USH2A: variants seen among roughly 807,000 people sequenced by gnomAD.
The protein encoded by USH2A is Usher syndrome 2A (autosomal recessive, mild).
In USH2A, 443 loss-of-function variants were observed where a neutral mutation model predicts 538.9. That is an observed-to-expected ratio of 0.82 (90% CI 0.76 to 0.89). USH2A has a LOEUF of 0.89. Among genes scored for constraint, USH2A ranks in the 40% least tolerant of loss-of-function variants. The pLI is 0.00. For synonymous variants in USH2A, 2,413 were observed against 2,273.5 expected, an observed-to-expected ratio of 1.06 and a Z score of -1.75; for missense variants, 6,633 against 6,324.8, an observed-to-expected ratio of 1.05 and a Z score of -1.65.
chr1:215,836,488 T>A (rs932153901), intron 47 of USH2A, among the ~76,000 whole-genome samples: 3 of 20,810 alleles, frequency 1.4e-4, no homozygotes, highest in African/African-American at 2.8e-4. Flanking sequence ...ATAATATATA[T>A]TATATATATA....
At chr1:216,072,297 T>C (rs772712063) in intron 29 of USH2A, among the ~76,000 whole-genome samples, 7 of 152,324 alleles carry the variant, frequency 4.6e-5, no homozygotes, top group Middle Eastern at 6.8e-3. Flanking sequence ...AAGTCAGTTG[T>C]CTGAGATTAG....
At chr1:216,321,560 C>T (rs1558036656) in intron 9 of USH2A, among the ~76,000 whole-genome samples, 6 of 151,798 alleles carry the variant, frequency 4.0e-5, no homozygotes, top group Admixed American at 3.3e-4. Flanking sequence ...TTGTTTAGTG[C>T]CATGCTATCC....
chr1:215,756,369 T>C (rs551295609), intron 58 of USH2A, among the ~76,000 whole-genome samples: 2 of 152,192 alleles, frequency 1.3e-5, no homozygotes, highest in Non-Finnish European at 2.9e-5. Flanking sequence ...GCAACTGATA[T>C]GTTAAATAAT....
intron 38 of USH2A, among the ~76,000 whole-genome samples, chr1:215,920,863 T>C (rs1039918303): frequency 1.3e-5 from 2 of 152,080 alleles, no homozygotes; most frequent in African/African-American, 4.8e-5. Flanking sequence ...TGCTTTCTTA[T>C]GGCCCAGAGG....
intron 13 of USH2A, among the ~76,000 whole-genome samples, chr1:216,241,043 G>C (rs1408405769): frequency 1.3e-5 from 2 of 152,058 alleles, no homozygotes; most frequent in Admixed American, 1.3e-4. Flanking sequence ...CAAATTTTTT[G>C]AGCAAAGAAA....
chr1:215,901,029 T>A, intron 38 of USH2A, 124 bp from the exon 39 acceptor site: 1 of 1,173,068 alleles, frequency 8.5e-7, no homozygotes, highest in East Asian at 2.5e-5. Context: ...TTAAACATGG[T>A]CCATTTAATT....
intron 58 of USH2A, among the ~76,000 whole-genome samples, chr1:215,746,924 C>T (rs757258317): frequency 1.3e-4 from 20 of 152,094 alleles, no homozygotes; most frequent in South Asian, 4.1e-4. Flanking sequence ...CCAGCAGAAT[C>T]CCCGTTTCTT....
intron 8 of USH2A, among the ~76,000 whole-genome samples, 192 bp downstream of exon 8, chr1:216,323,279 TATA>T (rs1558037544): frequency 0.045 from 2,138 of 47,618 alleles, 17 homozygotes; most frequent in South Asian, 0.093. Flanking sequence ...ATACGTTTTA[TATA>T]TATATATATA....
At chr1:216,267,585 T>C (rs998707810) in intron 11 of USH2A, among the ~76,000 whole-genome samples, 9 of 152,204 alleles carry the variant, frequency 5.9e-5, no homozygotes, top group African/African-American at 2.2e-4. Context: ...ACAGCCTGTC[T>C]CACCAGGCAC....
chr1:215,674,314 AGG>A lies in USH2A; in HGVS notation c.13595_13596del (p.Pro4532LeufsTer29), dbSNP rs1485393201. 1.9e-6 allele frequency: 3 copies of A among 1,613,742 alleles called. No homozygotes were observed. The African/African-American group carries it at 4.0e-5, about 22-fold the overall frequency. On this transcript the variant is annotated frameshift_variant, in exon 63 of 72. Coordinates refer to ENST00000307340, the MANE Select transcript of USH2A (RefSeq NM_206933.4). LOFTEE classifies it high-confidence loss of function. ...TGCAATTTTGGAGGTTCCATCCCTG[AGG>A]GTGCTGAGGGGCTGGTTCGATCTTT... Reference protein sequence around the residue: ...LVKDRTSPSAPSGMEPPKLQA... With the variant: ...LVKDRTSPSAXSGMEPPKLQA...
At chr1:215,648,319 A>G (rs1656926010) in intron 66 of USH2A, among the ~76,000 whole-genome samples, 1 of 152,200 alleles carries the variant, frequency 6.6e-6, no homozygotes, top group Non-Finnish European at 1.5e-5. Context: ...TGCTTTTATG[A>G]TTTAAATACA....
At chr1:216,018,731 A>G (rs1392195678) in intron 32 of USH2A, among the ~76,000 whole-genome samples, 1 of 152,162 alleles carries the variant, frequency 6.6e-6, no homozygotes, top group Non-Finnish European at 1.5e-5. Flanking sequence ...CCATCTTCTA[A>G]TCAATATGGA....
intron 21 of USH2A, among the ~76,000 whole-genome samples, chr1:216,171,488 A>T (rs1048087382): frequency 6.6e-6 from 1 of 152,096 alleles, no homozygotes; most frequent in Non-Finnish European, 1.5e-5. Flanking sequence ...CATATTTTGC[A>T]TGTGTAACAG....
chr1:215,834,386 A>G (rs533373155), intron 47 of USH2A, among the ~76,000 whole-genome samples: 1 of 152,212 alleles, frequency 6.6e-6, no homozygotes, highest in Non-Finnish European at 1.5e-5. Flanking sequence ...TAGTATGTAT[A>G]TAATAAGATG....
chr1:216,144,707 C>G (rs2033661870), intron 21 of USH2A, among the ~76,000 whole-genome samples: 1 of 152,146 alleles, frequency 6.6e-6, no homozygotes, highest in South Asian at 2.1e-4. Flanking sequence ...TGAATATTAC[C>G]TAATTCACCA....
intron 9 of USH2A, among the ~76,000 whole-genome samples, chr1:216,316,678 A>G (rs1312207806): frequency 6.6e-6 from 1 of 152,152 alleles, no homozygotes; most frequent in Non-Finnish European, 1.5e-5. Context: ...AATAATCGCC[A>G]TTCTGACTGG....
intron 9 of USH2A, among the ~76,000 whole-genome samples, chr1:216,314,026 A>T (rs1013095892): frequency 2.0e-5 from 3 of 152,166 alleles, no homozygotes; most frequent in Non-Finnish European, 2.9e-5. Flanking sequence ...TCATTATATT[A>T]TACCTATGTA....
chr1:216,311,255 A>T (rs1319684367), intron 9 of USH2A, among the ~76,000 whole-genome samples: 1 of 152,172 alleles, frequency 6.6e-6, no homozygotes, highest in Non-Finnish European at 1.5e-5. Context: ...TGACGCTTCC[A>T]GTGGGTTGAG....
chr1:216,126,484 A>G (rs192897910), intron 21 of USH2A, among the ~76,000 whole-genome samples: 6 of 152,164 alleles, frequency 3.9e-5, no homozygotes, highest in Middle Eastern at 3.4e-3. Context: ...TGGCCTCCCA[A>G]AGTGCTGGGA....
Sources: gnomAD v4.1 joint callset for allele counts (sites outside exome capture counted in the v4.1 genomes callset) on GRCh38, gnomAD v4.1.1 for gene constraint, MANE v1.5 for transcripts, NCBI Gene and HGNC (gene_info 2026-07-23, HGNC 2026-07-21) for gene names.